Variants in KCNMA1 observed in about 807,000 individuals in gnomAD.
KCNMA1 encodes potassium calcium-activated channel subfamily M alpha 1, also known as Calcium-activated potassium channel subunit alpha-1.
In KCNMA1, 29 loss-of-function variants were observed where a neutral mutation model predicts 140.0. The ratio of observed to expected loss-of-function variants is 0.21; its 90% CI spans 0.15 to 0.28. The LOEUF is 0.28. Among genes scored for constraint, KCNMA1 ranks in the 10% least tolerant of loss-of-function variants. The probability of loss-of-function intolerance (pLI) is 1.00; values close to 1 mark genes in which losing one functional copy is unlikely to be tolerated. For missense variants in KCNMA1, 880 were observed against 1,602.2 expected (o/e 0.55, Z 7.70); for synonymous variants, 612 against 611.9 (o/e 1.00, Z 0.00).
intron 6 of KCNMA1, among the ~76,000 whole-genome samples, chr10:77,116,348 G>A (rs1358664137): frequency 1.3e-5 from 2 of 152,098 alleles, no homozygotes; most frequent in Non-Finnish European, 2.9e-5. Context: ...TGCAAGAGAA[G>A]GTCTGGCTCC....
downstream of KCNMA1, among the ~76,000 whole-genome samples, chr10:76,883,300 G>A (rs1472866295): frequency 1.3e-5 from 2 of 152,232 alleles, no homozygotes; most frequent in Non-Finnish European, 2.9e-5. Context: ...GTATAAAAAT[G>A]TGTAAAGTCA....
At chr10:77,623,077 C>A (rs1481882766) in intron 1 of KCNMA1, among the ~76,000 whole-genome samples, 1 of 152,164 alleles carries the variant, frequency 6.6e-6, no homozygotes, top group Non-Finnish European at 1.5e-5. Flanking sequence ...ATTTTAAAGC[C>A]CTGCCTAGAA....
intron 2 of KCNMA1, among the ~76,000 whole-genome samples, chr10:77,283,041 G>A (rs2069272516): frequency 6.6e-6 from 1 of 152,158 alleles, no homozygotes; most frequent in Non-Finnish European, 1.5e-5. Context: ...AAGTTGTGGT[G>A]CCAACATAAG....
intron 14 of KCNMA1, among the ~76,000 whole-genome samples, chr10:77,040,206 C>T (rs1035472780): frequency 3.3e-5 from 5 of 152,080 alleles, no homozygotes; most frequent in Admixed American, 2.0e-4. Flanking sequence ...TCTAATGGTG[C>T]GGAGACATGG....
At chr10:77,437,116 T>C (rs1178161544) in intron 1 of KCNMA1, among the ~76,000 whole-genome samples, 1 of 152,156 alleles carries the variant, frequency 6.6e-6, no homozygotes, top group Non-Finnish European at 1.5e-5. Flanking sequence ...GAATTTATCT[T>C]GACCACCAGA....
intron 23 of KCNMA1, among the ~76,000 whole-genome samples, chr10:76,920,918 G>C (rs1564918392): frequency 6.6e-6 from 1 of 152,212 alleles, no homozygotes; most frequent in Non-Finnish European, 1.5e-5. Flanking sequence ...TGGTATGGCA[G>C]CATGCACAAC....
At chr10:77,320,230 T>G (rs746506205) in intron 2 of KCNMA1, among the ~76,000 whole-genome samples, 1 of 152,152 alleles carries the variant, frequency 6.6e-6, no homozygotes, top group African/African-American at 2.4e-5. Flanking sequence ...GGAAAGAGTG[T>G]CTGGCACAAA....
Position 77,506,708 on chromosome 10 carries a change from G to A in KCNMA1, c.379-102685C>T, listed in dbSNP as rs1308592098. ...AGAGAGAGGGAAAGAGAGATGTTCC[G>A]AGAGAGAGAGAGAGAGAGTGTGTGT... On this transcript the variant is annotated intron_variant, in intron 1 of 27. Transcript: ENST00000286628. Among the ~76,000 whole-genome samples, 6 of 63,684 alleles carry A rather than the reference G, an allele frequency of 9.4e-5. No individual in the cohort carries two copies. In the East Asian group the frequency reaches 5.8e-3, roughly 62 times the overall value. 41.8% of individuals were successfully genotyped at this position (63,684 alleles called of 152,430 possible).
At chr10:77,524,923 C>G (rs11816403) in intron 1 of KCNMA1, among the ~76,000 whole-genome samples, 1 of 152,174 alleles carries the variant, frequency 6.6e-6, no homozygotes, top group Non-Finnish European at 1.5e-5. Context: ...ATCACCTGCA[C>G]GGATATGATC....
chr10:77,560,820 T>C (rs1164731100), intron 1 of KCNMA1, among the ~76,000 whole-genome samples: 1 of 152,238 alleles, frequency 6.6e-6, no homozygotes, highest in Non-Finnish European at 1.5e-5. Context: ...ATTCTCTCTT[T>C]ATAAAGTCTC....
chr10:76,884,892 C>CTT lies in KCNMA1; in HGVS notation c.*2372_*2373dup. On this transcript the variant is annotated 3_prime_UTR_variant, in exon 28 of 28. Transcript: ENST00000286628. ...AATAACAGAATAAAATTTGTAACTC[C>CTT]TTTTTTTTTAATTTCACAAAAGTTT... The CTT allele has an allele frequency of 4.3e-6, 6 of 1,385,190 alleles. No homozygotes were observed. Among genetic ancestry groups the CTT allele is most frequent in the Admixed American group, 3.1e-5 (1 of 32,248 alleles). 85.8% of individuals were successfully genotyped at this position (1,385,190 alleles called of 1,614,324 possible).
Position 77,526,938 on chromosome 10 carries a change from G to A in KCNMA1, c.378+110327C>T, listed in dbSNP as rs146636698. 8.5e-5 allele frequency among the ~76,000 whole-genome samples: 13 copies of A among 152,118 alleles called. No homozygotes were observed. The East Asian group carries it at 1.7e-3, about 20-fold the overall frequency. ...AATAATTAAGTCAATGAGCATGCTC[G>A]CATGTGCAACAAAAAATACCTCTCT... On this transcript the variant is annotated intron_variant, in intron 1 of 27. Coordinates refer to ENST00000286628, the MANE Select transcript of KCNMA1 (RefSeq NM_001161352.2).
rs761366908 is a variant in KCNMA1 at position 76,891,602 on chromosome 10, G to A, written c.3265C>T (p.Pro1089Ser). 1 of 1,614,002 alleles carries A rather than the reference G, an allele frequency of 6.2e-7. No individual in the cohort carries two copies. Among genetic ancestry groups the A allele is most frequent in the Admixed American group, 1.7e-5 (1 of 60,020 alleles). ...CGGTCCCTATTGGCCAGTGTCTGCG[G>A]GGTGCTGTAGCCACCTCTAAGGGCG... is the stretch of plus-strand genomic sequence containing the variant. ...ENALRGGYST[P>S]QTLANRDRCR... The change falls in exon 26 of 28, where the codon CCG becomes TCG. Residue 1089 changes from proline (P) to serine (S), a missense_variant. Pro to Ser is a moderately conservative substitution (Grantham distance 74, BLOSUM62 -1). Around this residue, in one of 13 missense-constraint regions of KCNMA1, gnomAD observed 31 missense variants for 38.8 expected, o/e 0.80. Transcript: ENST00000286628.
intron 1 of KCNMA1, among the ~76,000 whole-genome samples, chr10:77,502,422 C>T (rs546453141): frequency 2.0e-5 from 3 of 152,266 alleles, no homozygotes; most frequent in Middle Eastern, 3.4e-3. Flanking sequence ...CCTATTTGCC[C>T]GAATGCTCTC....
chr10:77,414,880 GT>G (rs1277248254), intron 1 of KCNMA1, among the ~76,000 whole-genome samples: 1 of 152,142 alleles, frequency 6.6e-6, no homozygotes, highest in Non-Finnish European at 1.5e-5. Flanking sequence ...TTTCAATCTA[GT>G]CCATTCTAAC....
In KCNMA1 at chr10:77,633,620, T is replaced by C. The variant is rs371024046; in HGVS notation, c.378+3645A>G. On this transcript the variant is annotated intron_variant, in intron 1 of 27. Transcript: ENST00000286628. ...GTAATTACCAAGCTGTAATGGGATC[T>C]GATATTTATATTAGTCACGAGCCTG... Among the ~76,000 whole-genome samples the C allele has an allele frequency of 3.0e-4, 46 of 152,364 alleles. No homozygotes were observed. The South Asian group carries it at 8.3e-3, about 27-fold the overall frequency.
chr10:77,044,317 C>T (rs1004552886), intron 14 of KCNMA1, among the ~76,000 whole-genome samples: 2 of 151,874 alleles, frequency 1.3e-5, no homozygotes, highest in African/African-American at 4.8e-5. Flanking sequence ...CAAAAGTGTA[C>T]ATTTCTCATA....
intron 1 of KCNMA1, among the ~76,000 whole-genome samples, chr10:77,451,507 G>A (rs1471428020): frequency 6.6e-6 from 1 of 152,182 alleles, no homozygotes; most frequent in Admixed American, 6.5e-5. Flanking sequence ...AAAGTGAGCA[G>A]AGCCCGAACT....
At chr10:77,563,076 T>C (rs549433171) in intron 1 of KCNMA1, among the ~76,000 whole-genome samples, 2 of 148,112 alleles carry the variant, frequency 1.4e-5, no homozygotes, top group African/African-American at 5.0e-5. Flanking sequence ...AAAAAAAAAG[T>C]TCAACTATTT....
Sources: allele counts gnomAD v4.1 joint callset (sites outside exome capture counted in the v4.1 genomes callset), GRCh38; gene constraint gnomAD v4.1.1; regional missense constraint gnomAD v4.1.1; transcripts MANE v1.5; gene names NCBI Gene and HGNC (gene_info 2026-07-23, HGNC 2026-07-21).